ECM2: variants seen among roughly 807,000 people sequenced by gnomAD.
ECM2 encodes extracellular matrix protein 2, female organ and adipocyte specific.
A neutral mutation model predicts 67.5 loss-of-function variants in ECM2; 57 were observed. The observed-to-expected ratio is 0.84, with a 90% CI of 0.68 to 1.05. The LOEUF is 1.05. Among genes scored for constraint, ECM2 ranks in the 50% least tolerant of loss-of-function variants. The pLI is 0.00. For missense variants in ECM2, 741 were observed against 822.8 expected (o/e 0.90, Z 1.22); for synonymous variants, 258 against 294.5 (o/e 0.88, Z 1.27).
chr9:92,497,032 G>A (rs1374107751), intron 9 of ECM2, among the ~76,000 whole-genome samples: 4 of 151,602 alleles, frequency 2.6e-5, no homozygotes, highest in Non-Finnish European at 4.4e-5. Context: ...AAAATGGTGC[G>A]CCACCTCTGG....
rs923897634 is a variant in ECM2, at chr9:92,514,158, C to A, written c.1054+473G>T. ...TTTTTTTTTTTAAGAGACAGGATCT[C>A]GCTCTGTTGCCTAGACTAGTCTGAA... On this transcript the variant is annotated intron_variant, in intron 4 of 9. Coordinates refer to ENST00000344604, the MANE Select transcript of ECM2 (RefSeq NM_001393.4). Among the ~76,000 whole-genome samples the A allele has an allele frequency of 1.3e-5, 2 of 148,768 alleles. 1 individual carries two copies. The highest frequency in any genetic ancestry group is 4.2e-4 in the South Asian group (2 of 4,734).
the ECM2 span, among the ~76,000 whole-genome samples, chr9:92,549,603 C>T: frequency 3.2e-4 from 48 of 150,350 alleles, no homozygotes; most frequent in East Asian, 9.8e-4. Flanking sequence ...GCCAAGATCG[C>T]GCCACTGCAC....
chr9:92,508,898 A>G (rs1350335364), intron 6 of ECM2, among the ~76,000 whole-genome samples: 1 of 152,152 alleles, frequency 6.6e-6, no homozygotes, highest in Non-Finnish European at 1.5e-5. Context: ...GGAAACAGAC[A>G]GTGTTGAGCA....
At chr9:92,539,866 G>A (rs1483086910), upstream of ECM2, among the ~76,000 whole-genome samples, 1 of 152,122 alleles carries the variant, frequency 6.6e-6, no homozygotes, top group Non-Finnish European at 1.5e-5. Flanking sequence ...TGGACATTTG[G>A]GTTGTTTCCC....
At chr9:92,526,635 G>T (rs917979143) in intron 1 of ECM2, among the ~76,000 whole-genome samples, 3 of 151,180 alleles carry the variant, frequency 2.0e-5, no homozygotes, top group Admixed American at 6.6e-5. Context: ...AAAGTTTTCT[G>T]AAACGATTAA....
At chr9:92,495,230 C>T (rs72754425), downstream of ECM2, 24,414 of 602,068 alleles carry the variant, frequency 0.041, 585 homozygotes, top group South Asian at 0.083. Context: ...CTAGCCAAGA[C>T]ATAAAACTGA....
At chr9:92,513,038 C>T (rs1847451918) in intron 4 of ECM2, among the ~76,000 whole-genome samples, 2 of 152,152 alleles carry the variant, frequency 1.3e-5, no homozygotes, top group African/African-American at 4.8e-5. Flanking sequence ...TCACAGATGG[C>T]CATCTCTGCA....
chr9:92,534,474 G>A (rs72754442), intron 1 of ECM2, among the ~76,000 whole-genome samples: 6,053 of 152,148 alleles, frequency 0.04, 185 homozygotes, highest in South Asian at 0.098. Flanking sequence ...TTTCTTCAGC[G>A]TATATATACA....
At chr9:92,532,015 G>GTGTTT in intron 1 of ECM2, among the ~76,000 whole-genome samples, 1 of 95,736 alleles carries the variant, frequency 1.0e-5, no homozygotes, top group South Asian at 3.0e-4. Flanking sequence ...TTTATTTAAT[G>GTGTTT]TTTTTTTTTT....
chr9:92,518,008 G>T, intron 2 of ECM2, 133 bp from the exon 3 acceptor site: 2 of 1,046,424 alleles, frequency 1.9e-6, no homozygotes, highest in Non-Finnish European at 2.8e-6. Flanking sequence ...TCATGTATAG[G>T]GTAAAGATGT....
At chr9:92,518,009 G>T in intron 2 of ECM2, 134 bp from the exon 3 acceptor site, 1 of 1,041,730 alleles carries the variant, frequency 9.6e-7, no homozygotes, top group Non-Finnish European at 1.4e-6. Context: ...CATGTATAGG[G>T]TAAAGATGTC....
chr9:92,540,424 C>G (rs1318706964), upstream of ECM2, among the ~76,000 whole-genome samples: 2 of 137,290 alleles, frequency 1.5e-5, no homozygotes, highest in Non-Finnish European at 3.0e-5. Flanking sequence ...GACGACAGAG[C>G]GAGACTGTCT....
At chr9:92,505,718 T>C in intron 6 of ECM2, 28 bp from the exon 7 acceptor site, 1 of 1,512,624 alleles carries the variant, frequency 6.6e-7, no homozygotes, top group Non-Finnish European at 8.9e-7. Context: ...ATTAGAATAT[T>C]AGGATAATTG....
chr9:92,557,835 G>A, the ECM2 span, among the ~76,000 whole-genome samples: 1 of 152,014 alleles, frequency 6.6e-6, no homozygotes, highest in Admixed American at 6.6e-5. Context: ...AGTAGAGACG[G>A]GATTTCAACA....
chr9:92,494,804 G>A (rs1241980865), downstream of ECM2, among the ~76,000 whole-genome samples: 1 of 152,130 alleles, frequency 6.6e-6, no homozygotes. Context: ...CTACTCAGGA[G>A]GCTGAAGCAG....
chr9:92,541,452 C>G (rs1318513502), upstream of ECM2, among the ~76,000 whole-genome samples: 1 of 146,892 alleles, frequency 6.8e-6, no homozygotes, highest in Non-Finnish European at 1.5e-5. Flanking sequence ...CCCCCACCCT[C>G]CTGGTTCAAG....
intron 1 of ECM2, among the ~76,000 whole-genome samples, chr9:92,530,908 A>G (rs1848710437): frequency 6.6e-6 from 1 of 152,092 alleles, no homozygotes; most frequent in South Asian, 2.1e-4. Flanking sequence ...CCCAATGTTT[A>G]GCTCTTACTT....
At chr9:92,506,980 T>G (rs1847046069) in intron 6 of ECM2, among the ~76,000 whole-genome samples, 1 of 152,154 alleles carries the variant, frequency 6.6e-6, no homozygotes, top group South Asian at 2.1e-4. Context: ...TGGTCTTGGC[T>G]CACTGCAACC....
At position 92,532,015 on chromosome 9, in the gene ECM2, G is replaced by GTTTTTTTTTTTGTTTTTTT; in HGVS notation, c.-28+3917_-28+3918insAAAAAAACAAAAAAAAAAA. ...TTTTCTTTTTCTTTTTTTATTTAAT[G>GTTTTTTTTTTTGTTTTTTT]TTTTTTTTTTTTTATTTTATTTTTT... On this transcript the variant is annotated intron_variant, in intron 1 of 9. Coordinates refer to ENST00000344604, the MANE Select transcript of ECM2 (RefSeq NM_001393.4). 2.1e-5 allele frequency among the ~76,000 whole-genome samples: 2 copies of GTTTTTTTTTTTGTTTTTTT among 95,726 alleles called. 1 individual carries two copies. Among genetic ancestry groups the GTTTTTTTTTTTGTTTTTTT allele is most frequent in the African/African-American group, 1.2e-4 (2 of 16,864 alleles). The allele number at this position is 95,726 out of a possible 152,430, so 62.8% of individuals were successfully genotyped here.
Sources: allele counts gnomAD v4.1 joint callset (sites outside exome capture counted in the v4.1 genomes callset), GRCh38; gene constraint gnomAD v4.1.1; transcripts MANE v1.5; gene names NCBI Gene and HGNC (gene_info 2026-07-23, HGNC 2026-07-21).